Variants in LINGO4 observed in about 807,000 individuals in gnomAD.
LINGO4 encodes leucine rich repeat and Ig domain containing 4.
A neutral mutation model predicts 27.9 loss-of-function variants in LINGO4; 22 were observed. That is an observed-to-expected ratio of 0.79 (90% CI 0.56 to 1.13). LINGO4 has a LOEUF of 1.13. LINGO4 is among the 50% of genes most tolerant of loss of function. The pLI is 0.00. For synonymous variants in LINGO4, 306 were observed against 325.8 expected (o/e 0.94, Z 0.65); for missense variants, 706 against 739.4 (o/e 0.95, Z 0.52).
chr1:151,804,111 C>A (rs1051341347), intron 1 of LINGO4, among the ~76,000 whole-genome samples: 3 of 152,166 alleles, frequency 2.0e-5, no homozygotes, highest in South Asian at 4.1e-4. Flanking sequence ...ACAGGGTCAG[C>A]TTTCTACTAC....
rs1288244976 is a variant in LINGO4 at position 151,802,670 on chromosome 1, G to A, written c.35C>T (p.Pro12Leu). The A allele has an allele frequency of 2.0e-6, 3 of 1,534,708 alleles. No individual in the cohort carries two copies. The highest frequency in any genetic ancestry group is 1.3e-5 in the South Asian group (1 of 77,320). ...GAGGAAAAGGAGCGGGGGCCATGGG[G>A]GCCAGGCTTGCTTTGGAGCTGTGGC... Reference protein sequence around the residue: ...DAATAPKQAWPPWPPLLFLLL... With the variant: ...DAATAPKQAWLPWPPLLFLLL... The change falls in exon 2 of 2, where the codon CCC becomes CTC. Residue 12 changes from proline (P) to leucine (L), a missense_variant. Physicochemically the swap from Pro to Leu is moderately conservative, Grantham distance 98. Coordinates refer to ENST00000368820, the MANE Select transcript of LINGO4 (RefSeq NM_001004432.4).
chr1:151,800,845 G>A lies in LINGO4; in HGVS notation c.*78C>T. 1 of 1,381,570 alleles carries A rather than the reference G, an allele frequency of 7.2e-7. No individual in the cohort carries two copies. Among genetic ancestry groups the A allele is most frequent in the South Asian group, 1.4e-5 (1 of 73,030 alleles). The allele number at this position is 1,381,570 out of a possible 1,614,324, so 85.6% of individuals were successfully genotyped here. On this transcript the variant is annotated 3_prime_UTR_variant, in exon 2 of 2. Transcript: ENST00000368820. ...CGGTGCTGCTCGGGACTAGGTTCTGGTTCAAGCAGCCTTGGTTCTGTCTTC... is the reference window on the plus strand; with the variant it reads ...CGGTGCTGCTCGGGACTAGGTTCTGATTCAAGCAGCCTTGGTTCTGTCTTC...
chr1:151,804,514 T>C (rs1651233447), intron 1 of LINGO4, among the ~76,000 whole-genome samples: 1 of 152,226 alleles, frequency 6.6e-6, no homozygotes, highest in African/African-American at 2.4e-5. Flanking sequence ...CTGCAGTTCC[T>C]GCCCATCCTC....
chr1:151,800,467 A>G lies in LINGO4; in HGVS notation c.*456T>C. 6.1e-6 allele frequency: 1 copy of G among 162,924 alleles called. No homozygotes were observed. The highest frequency in any genetic ancestry group is 1.3e-5 in the Non-Finnish European group (1 of 74,670). The allele number at this position is 162,924 out of a possible 1,614,324, so 10.1% of individuals were successfully genotyped here. A position where few individuals can be genotyped will look rare whatever the true frequency, so the allele number is the denominator to read the frequency against. On this transcript the variant is annotated 3_prime_UTR_variant, in exon 2 of 2. Coordinates refer to ENST00000368820, the MANE Select transcript of LINGO4 (RefSeq NM_001004432.4). ...ACATAGGGGCAGGGTTGGGGTGGGG[A>G]GCAGAAAAGAAAGGGACTCTGCCTG...
rs1651113688 is a variant in LINGO4, at chr1:151,800,466, G to C, written c.*457C>G. ...TACATAGGGGCAGGGTTGGGGTGGG[G>C]AGCAGAAAAGAAAGGGACTCTGCCT... On this transcript the variant is annotated 3_prime_UTR_variant, in exon 2 of 2. Coordinates refer to ENST00000368820, the MANE Select transcript of LINGO4 (RefSeq NM_001004432.4). 1 of 165,120 alleles carries C rather than the reference G, an allele frequency of 6.1e-6. No homozygotes were observed. Among genetic ancestry groups the C allele is most frequent in the African/African-American group, 2.4e-5 (1 of 41,696 alleles). The allele number at this position is 165,120 out of a possible 1,614,324, so 10.2% of individuals were successfully genotyped here.
Position 151,802,264 on chromosome 1 carries a change from G to A in LINGO4, c.441C>T (p.Phe147=), listed in dbSNP as rs1651173563. Residue 147 remains phenylalanine (F), a synonymous_variant, in exon 2 of 2, where the codon TTC becomes TTT. Coordinates refer to ENST00000368820, the MANE Select transcript of LINGO4 (RefSeq NM_001004432.4). The stretch of plus-strand genomic sequence containing the variant: ...CTAGCTCCCCAAAAGCTCCATCTAG[G>A]AAGAGAACAATCTGGTTGAGGCGGA... ...LDLRLNQIVL[F]LDGAFGELGS... 6.2e-7 allele frequency: 1 copy of A among 1,614,088 alleles called. No individual in the cohort carries two copies. The highest frequency in any genetic ancestry group is 1.3e-5 in the African/African-American group (1 of 74,932).
At position 151,802,093 on chromosome 1, in the gene LINGO4, C is replaced by A. The variant is rs80020782; in HGVS notation, c.612G>T (p.Pro204=). 2.5e-6 allele frequency: 4 copies of A among 1,613,856 alleles called. No homozygotes were observed. The highest frequency in any genetic ancestry group is 2.7e-5 in the African/African-American group (2 of 74,914). Residue 204 remains proline (P), a synonymous_variant, in exon 2 of 2, where the codon CCG becomes CCT. Transcript: ENST00000368820. ...CTCTAAGCCTTAGGGCCACTAGTGCCGGGAGACGGGCAAGGGCTAGGCCAG... is the reference window on the plus strand; with the variant it reads ...CTCTAAGCCTTAGGGCCACTAGTGCAGGGAGACGGGCAAGGGCTAGGCCAG... ...TVPGLALARL[P]ALVALRLREL... is the part of the protein sequence containing the mutation.
At chr1:151,803,812 T>C (rs1337946302) in intron 1 of LINGO4, among the ~76,000 whole-genome samples, 2 of 152,182 alleles carry the variant, frequency 1.3e-5, no homozygotes, top group Non-Finnish European at 2.9e-5. Flanking sequence ...TGTAGACTTA[T>C]AGTCAGTTTC....
Position 151,802,133 on chromosome 1 carries a change from T to C in LINGO4, c.572A>G (p.Asn191Ser), listed in dbSNP as rs1470346547. The change falls in exon 2 of 2, where the codon AAC becomes AGC. Residue 191 changes from asparagine to serine, a missense_variant. Asn to Ser is a conservative substitution (Grantham distance 46). Coordinates refer to ENST00000368820, the MANE Select transcript of LINGO4 (RefSeq NM_001004432.4). ...KLSTLTLERC[N>S]LSTVPGLALA... is the part of the protein sequence containing the mutation. ...GGCTAGGCCAGGCACTGTGCTGAGG[T>C]TGCAGCGCTCCAGGGTGAGGGTGCT... 3 of 1,613,748 alleles carry C rather than the reference T, an allele frequency of 1.9e-6. No individual in the cohort carries two copies. The highest frequency in any genetic ancestry group is 2.2e-5 in the East Asian group (1 of 44,870).
At chr1:151,803,563 G>C (rs1290979381) in intron 1 of LINGO4, among the ~76,000 whole-genome samples, 1 of 152,188 alleles carries the variant, frequency 6.6e-6, no homozygotes, top group Non-Finnish European at 1.5e-5. Context: ...CTTCAGTCTT[G>C]GGCTTCCCTC....
Position 151,801,226 on chromosome 1 carries a change from G to A in LINGO4, c.1479C>T (p.Asp493=). The A allele has an allele frequency of 6.2e-7, 1 of 1,614,222 alleles. No homozygotes were observed. The change falls in exon 2 of 2, where the codon GAC becomes GAT. Residue 493 remains aspartate (D), a synonymous_variant. Coordinates refer to ENST00000368820, the MANE Select transcript of LINGO4 (RefSeq NM_001004432.4). The surrounding 1 kb of genome is among the most constrained non-coding windows in gnomAD (Gnocchi z 5.7). ...VCVVSNVAGN[D]SLRTWLEVIQ... Reference sequence around the variant, plus strand: ...TGACTTCCAGCCAGGTCCTCAGGGAGTCATTCCCAGCGACATTGCTAACCA... The same window carrying A: ...TGACTTCCAGCCAGGTCCTCAGGGAATCATTCCCAGCGACATTGCTAACCA...
chr1:151,802,792 C>T (rs960470648), intron 1 of LINGO4, 75 bp from the exon 2 acceptor site: 52 of 1,068,696 alleles, frequency 4.9e-5, no homozygotes, highest in Non-Finnish European at 6.6e-5. Flanking sequence ...CCTGGCCCTT[C>T]TTAGAGAGGA....
At position 151,801,235 on chromosome 1, in the gene LINGO4, A is replaced by G; in HGVS notation, c.1470T>C (p.Ala490=). The change falls in exon 2 of 2, where the codon GCT becomes GCC. Residue 490 remains alanine (A), a synonymous_variant. Coordinates refer to ENST00000368820, the MANE Select transcript of LINGO4 (RefSeq NM_001004432.4). This position sits in a 1 kb window ranked among gnomAD's most constrained non-coding sequence, Gnocchi z 5.7. ...GAYVCVVSNV[A]GNDSLRTWLE... ...GCCAGGTCCTCAGGGAGTCATTCCC[A>G]GCGACATTGCTAACCACACAGACAT... is the stretch of plus-strand genomic sequence containing the variant. 6.2e-7 allele frequency: 1 copy of G among 1,614,188 alleles called. No individual in the cohort carries two copies. Among genetic ancestry groups the G allele is most frequent in the Non-Finnish European group, 8.5e-7 (1 of 1,180,036 alleles).
chr1:151,803,275 G>A lies in LINGO4; in HGVS notation c.-13-558C>T, dbSNP rs185755391. Among the ~76,000 whole-genome samples the A allele has an allele frequency of 4.6e-5, 7 of 152,290 alleles. No individual in the cohort carries two copies. In the East Asian group the frequency reaches 1.4e-3, roughly 29 times the overall value. On this transcript the variant is annotated intron_variant, in intron 1 of 1. Transcript: ENST00000368820. ...ACCTTGACTAGCTCACCCAAGGCTG[G>A]GAAACATGCAGGCCTCAGCTCCACC...
Position 151,802,434 on chromosome 1 carries a change from G to A in LINGO4, c.271C>T (p.Leu91Phe), listed in dbSNP as rs1258812257. Residue 91 changes from leucine (L) to phenylalanine (F), a missense_variant, in exon 2 of 2, where the codon CTC (leucine) becomes TTC (phenylalanine). Physicochemically the swap from Leu to Phe is conservative, Grantham distance 22. Coordinates refer to ENST00000368820, the MANE Select transcript of LINGO4 (RefSeq NM_001004432.4). ...SRLSLLQELD[L>F]SYNQLSTLEP... The stretch of plus-strand genomic sequence containing the variant: ...AGGGTTGAGAGCTGGTTGTAGCTGA[G>A]GTCCAATTCCTGGAGCAGGCTCAGG... The A allele has an allele frequency of 2.5e-6, 4 of 1,614,108 alleles. No homozygotes were observed. The highest frequency in any genetic ancestry group is 2.5e-6 in the Non-Finnish European group (3 of 1,180,054).
intron 1 of LINGO4, among the ~76,000 whole-genome samples, chr1:151,803,005 G>C (rs561213995): frequency 1.3e-5 from 2 of 152,044 alleles, no homozygotes; most frequent in Non-Finnish European, 2.9e-5. Flanking sequence ...TGGGGAAAAA[G>C]CTTATGGGAA....
At position 151,802,007 on chromosome 1, in the gene LINGO4, A is replaced by T; in HGVS notation, c.698T>A (p.Leu233Gln). ...ALRGLGQLKELEIHLWPSLEA... is the reference protein window; with the variant it reads ...ALRGLGQLKEQEIHLWPSLEA... The stretch of plus-strand genomic sequence containing the variant: ...CAGAGATGGCCAGAGGTGGATCTCC[A>T]GCTCCTTGAGCTGCCCCAGCCCCCG... Residue 233 changes from leucine to glutamine, a missense_variant, in exon 2 of 2, where the codon CTG becomes CAG. By Grantham distance (113) the Leu-to-Gln change is moderately radical. Transcript: ENST00000368820. 6.2e-7 allele frequency: 1 copy of T among 1,614,130 alleles called. No homozygotes were observed. The highest frequency in any genetic ancestry group is 8.5e-7 in the Non-Finnish European group (1 of 1,180,006).
chr1:151,802,333 C>G lies in LINGO4; in HGVS notation c.372G>C (p.Gly124=). 6.2e-7 allele frequency: 1 copy of G among 1,614,144 alleles called. No individual in the cohort carries two copies. The highest frequency in any genetic ancestry group is 1.1e-5 in the South Asian group (1 of 91,080). Residue 124 remains glycine, a synonymous_variant, in exon 2 of 2, where the codon GGG becomes GGC. Coordinates refer to ENST00000368820, the MANE Select transcript of LINGO4 (RefSeq NM_001004432.4). ...CAGAGAGGCCTGAGAAGACCCCAGG[C>G]CCCATGATTCTGAGCCGATTGCCCT... ...RLQGNRLRIM[G]PGVFSGLSAL...
rs543163530 is a variant in LINGO4, at chr1:151,801,684, C to T, written c.1021G>A (p.Glu341Lys). Residue 341 changes from glutamate to lysine, a missense_variant, in exon 2 of 2, where the codon GAA becomes AAA. By Grantham distance (56) the Glu-to-Lys change is moderately conservative (BLOSUM62 1). Transcript: ENST00000368820. This position sits in a 1 kb window ranked among gnomAD's most constrained non-coding sequence, Gnocchi z 5.7. ...VADNALQTLE[E>K]TAFPSPDKLV... is the part of the protein sequence containing the mutation. Reference sequence around the variant, plus strand: ...TTGTCTGGAGAAGGGAAAGCTGTTTCCTCTAGTGTCTGAAGGGCGTTATCT... The same window carrying T: ...TTGTCTGGAGAAGGGAAAGCTGTTTTCTCTAGTGTCTGAAGGGCGTTATCT... The T allele has an allele frequency of 1.5e-5, 24 of 1,614,234 alleles. 1 individual carries two copies. The East Asian group carries it at 5.3e-4, about 36-fold the overall frequency.
Sources: gnomAD v4.1 joint callset for allele counts (sites outside exome capture counted in the v4.1 genomes callset) on GRCh38, gnomAD v4.1.1 for gene constraint, Gnocchi (gnomAD v3.1) non-coding constraint, MANE v1.5 for transcripts, NCBI Gene and HGNC (gene_info 2026-07-23, HGNC 2026-07-21) for gene names.